PLCB1: variants seen among roughly 807,000 people sequenced by gnomAD.
The protein encoded by PLCB1 is phospholipase C beta 1.
PLCB1 carries 46 observed loss-of-function variants against 161.8 expected under a neutral mutation model. That is an observed-to-expected ratio of 0.28 (90% CI 0.22 to 0.36). The LOEUF (loss-of-function observed/expected upper bound fraction) is 0.36. Among genes scored for constraint, PLCB1 ranks in the 10% least tolerant of loss-of-function variants. The pLI is 1.00. For missense variants in PLCB1, 1,016 were observed against 1,472.5 expected (o/e 0.69, Z 5.07); for synonymous variants, 517 against 503.7 (o/e 1.03, Z -0.35).
At chr20:8,701,790 C>A (rs1351590478) in intron 11 of PLCB1, among the ~76,000 whole-genome samples, 1 of 152,136 alleles carries the variant, frequency 6.6e-6, no homozygotes, top group East Asian at 1.9e-4. Context: ...GCATAACCTC[C>A]ATTTTCAGTC....
chr20:8,815,520 G>C (rs371877762), intron 31 of PLCB1, among the ~76,000 whole-genome samples: 2 of 152,268 alleles, frequency 1.3e-5, no homozygotes, highest in East Asian at 3.9e-4. Context: ...TTACATAGAT[G>C]GTAAGAGGTG....
At chr20:8,744,705 G>A (rs948327547) in intron 23 of PLCB1, among the ~76,000 whole-genome samples, 18 of 149,120 alleles carry the variant, frequency 1.2e-4, no homozygotes, top group African/African-American at 1.7e-4. Flanking sequence ...GTATGGCCCC[G>A]ATTCGATATA....
intron 2 of PLCB1, among the ~76,000 whole-genome samples, chr20:8,261,136 T>C (rs1981671448): frequency 6.6e-6 from 1 of 152,124 alleles, no homozygotes; most frequent in Non-Finnish European, 1.5e-5. Context: ...CTTGATCTTT[T>C]AGAGGGTTCT....
chr20:8,391,450 G>C (rs1404330956), intron 3 of PLCB1, among the ~76,000 whole-genome samples: 1 of 151,964 alleles, frequency 6.6e-6, no homozygotes, highest in African/African-American at 2.4e-5. Flanking sequence ...AGAACATGCG[G>C]GTATCTTTTT....
intron 31 of PLCB1, among the ~76,000 whole-genome samples, chr20:8,794,913 A>G (rs1983941377): frequency 6.6e-6 from 1 of 152,228 alleles, no homozygotes; most frequent in Non-Finnish European, 1.5e-5. Context: ...ATTCTGGCTC[A>G]ATTTAGAGCA....
At chr20:8,174,942 G>A (rs1289562745) in intron 2 of PLCB1, among the ~76,000 whole-genome samples, 1 of 151,890 alleles carries the variant, frequency 6.6e-6, no homozygotes. Flanking sequence ...GGTGACATGC[G>A]CCTGTAGTCC....
chr20:8,870,675 A>G (rs554652445), intron 31 of PLCB1, among the ~76,000 whole-genome samples: 3 of 152,222 alleles, frequency 2.0e-5, no homozygotes, highest in African/African-American at 7.2e-5. Flanking sequence ...TCTACTTAGT[A>G]TTTTGCCTAC....
At chr20:8,284,997 A>G (rs1298698938) in intron 2 of PLCB1, among the ~76,000 whole-genome samples, 2 of 151,222 alleles carry the variant, frequency 1.3e-5, no homozygotes, top group African/African-American at 4.9e-5. Flanking sequence ...TCTAATAAAG[A>G]TTTTAATATT....
chr20:8,628,941 A>AAAT (rs1988442500), intron 4 of PLCB1, among the ~76,000 whole-genome samples: 5 of 151,916 alleles, frequency 3.3e-5, no homozygotes, highest in African/African-American at 1.2e-4. Flanking sequence ...TCAAAAAAAA[A>AAAT]AAATAAATAA....
chr20:8,816,645 A>G (rs1176592686), intron 31 of PLCB1, among the ~76,000 whole-genome samples: 1 of 152,242 alleles, frequency 6.6e-6, no homozygotes, highest in Non-Finnish European at 1.5e-5. Flanking sequence ...ATGAATGAAC[A>G]GAGAATTTCT....
At chr20:8,590,829 T>G (rs6039203) in intron 3 of PLCB1, among the ~76,000 whole-genome samples, 23,035 of 152,104 alleles carry the variant, frequency 0.15, 1,740 homozygotes, top group Middle Eastern at 0.22. Flanking sequence ...TTAATTTTTT[T>G]TTTAAGTTCT....
At chr20:8,618,417 C>G (rs180703025) in intron 3 of PLCB1, among the ~76,000 whole-genome samples, 4 of 152,064 alleles carry the variant, frequency 2.6e-5, no homozygotes, top group Non-Finnish European at 5.9e-5. Flanking sequence ...ATCCCAACAC[C>G]TTAGGCAGGC....
chr20:8,291,806 A>C (rs921739679), intron 2 of PLCB1, among the ~76,000 whole-genome samples: 2 of 152,212 alleles, frequency 1.3e-5, no homozygotes, highest in African/African-American at 4.8e-5. Context: ...GCACTGAGAA[A>C]TTGTCATGGT....
chr20:8,613,424 A>AC (rs879777233), intron 3 of PLCB1, among the ~76,000 whole-genome samples: 4 of 152,110 alleles, frequency 2.6e-5, no homozygotes, highest in Non-Finnish European at 5.9e-5. Flanking sequence ...TCTGTTAGCA[A>AC]CTCTGCAAGT....
intron 2 of PLCB1, among the ~76,000 whole-genome samples, chr20:8,263,761 G>A (rs1357662508): frequency 6.6e-6 from 1 of 152,086 alleles, no homozygotes; most frequent in Non-Finnish European, 1.5e-5. Flanking sequence ...TTGAAAATAC[G>A]ATATAAAAGA....
intron 3 of PLCB1, among the ~76,000 whole-genome samples, chr20:8,372,385 A>C (rs953966313): frequency 5.9e-5 from 9 of 152,230 alleles, no homozygotes; most frequent in Non-Finnish European, 1.5e-5. Flanking sequence ...TATTCTTCAG[A>C]GGCGTAAAAA....
intron 2 of PLCB1, among the ~76,000 whole-genome samples, chr20:8,226,109 G>T (rs1979667285): frequency 6.6e-6 from 1 of 152,164 alleles, no homozygotes; most frequent in Admixed American, 6.5e-5. Flanking sequence ...GTCAAGCCAG[G>T]TCTTCTGTGG....
chr20:8,514,140 T>C (rs1984008533), intron 3 of PLCB1, among the ~76,000 whole-genome samples: 1 of 151,902 alleles, frequency 6.6e-6, no homozygotes, highest in African/African-American at 2.4e-5. Context: ...CCCAGGAGTT[T>C]GAAACCAGCC....
chr20:8,212,614 CA>C (rs1260738803), intron 2 of PLCB1, among the ~76,000 whole-genome samples: 1 of 152,084 alleles, frequency 6.6e-6, no homozygotes, highest in African/African-American at 2.4e-5. Context: ...AGAGAAAACA[CA>C]AGCCACGTAG....
Sources: gnomAD v4.1 joint callset for allele counts (sites outside exome capture counted in the v4.1 genomes callset) on GRCh38, gnomAD v4.1.1 for gene constraint, MANE v1.5 for transcripts, NCBI Gene and HGNC (gene_info 2026-07-23, HGNC 2026-07-21) for gene names.